HLF: variants seen among roughly 807,000 people sequenced by gnomAD.
HLF encodes the protein hepatic leukemia factor.
A neutral mutation model predicts 22.6 loss-of-function variants in HLF; 3 were observed. That is an observed-to-expected ratio of 0.13 (90% CI 0.06 to 0.34). The LOEUF (loss-of-function observed/expected upper bound fraction) is 0.34, where lower values mean the gene tolerates loss of function less well. HLF is among the 10% of genes least tolerant of loss of function. HLF has a pLI of 1.00. For synonymous variants in HLF, 151 were observed against 151.8 expected, an observed-to-expected ratio of 0.99 and a Z score of 0.04; for missense variants, 299 against 389.2, an observed-to-expected ratio of 0.77 and a Z score of 1.95.
Position 55,265,584 on chromosome 17 carries a change from C to A in HLF, c.100C>A (p.Leu34Ile), listed in dbSNP as rs1454045381. The change falls in exon 1 of 4, where the codon CTT (leucine) becomes ATT (isoleucine). Residue 34 changes from leucine to isoleucine, a missense_variant. Leu to Ile is a conservative substitution (Grantham distance 5, BLOSUM62 2). Around this residue, in one of 3 missense-constraint regions of HLF, gnomAD observed 72 missense variants for 74.0 expected, o/e 0.97. Coordinates refer to ENST00000226067, the MANE Select transcript of HLF (RefSeq NM_002126.5). ...SLLENPLKLPLHHEDAFSKDK... is the reference protein window; with the variant it reads ...SLLENPLKLPIHHEDAFSKDK... ...GCTGGAGAACCCGCTGAAGCTCCCCCTTCACCACGAAGACGGTGAGCGCTG... is the reference window on the plus strand; with the variant it reads ...GCTGGAGAACCCGCTGAAGCTCCCCATTCACCACGAAGACGGTGAGCGCTG... The A allele has an allele frequency of 1.3e-6, 2 of 1,598,832 alleles. No homozygotes were observed. The highest frequency in any genetic ancestry group is 2.7e-5 in the African/African-American group (2 of 73,658).
intron 2 of HLF, among the ~76,000 whole-genome samples, chr17:55,308,220 G>A (rs1904671692): frequency 6.6e-6 from 1 of 152,188 alleles, no homozygotes; most frequent in Non-Finnish European, 1.5e-5. Flanking sequence ...AAGGGATAAT[G>A]GTTAAAAGTT....
At chr17:55,287,411 A>G (rs2081015909) in intron 2 of HLF, among the ~76,000 whole-genome samples, 1 of 151,896 alleles carries the variant, frequency 6.6e-6, no homozygotes, top group Admixed American at 6.6e-5. Flanking sequence ...TCTCTTTGGT[A>G]TACTAGCCAT....
intron 2 of HLF, among the ~76,000 whole-genome samples, chr17:55,311,037 C>T (rs1904805583): frequency 6.6e-6 from 1 of 152,140 alleles, no homozygotes; most frequent in Non-Finnish European, 1.5e-5. Context: ...TAGTTGTCCT[C>T]AAATTTACCT....
intron 3 of HLF, among the ~76,000 whole-genome samples, chr17:55,318,629 T>G (rs983550023): frequency 6.6e-6 from 1 of 152,126 alleles, no homozygotes; most frequent in Non-Finnish European, 1.5e-5. Context: ...GGGCTTGTTC[T>G]TATGTACCCC....
chr17:55,302,254 GT>G (rs1330461345), intron 2 of HLF, among the ~76,000 whole-genome samples: 1 of 152,328 alleles, frequency 6.6e-6, no homozygotes, highest in Admixed American at 6.5e-5. Flanking sequence ...CCACAGATCA[GT>G]TTAGGACTCT....
At chr17:55,299,721 C>T (rs542516579) in intron 2 of HLF, among the ~76,000 whole-genome samples, 4 of 152,276 alleles carry the variant, frequency 2.6e-5, no homozygotes, top group African/African-American at 9.6e-5. Flanking sequence ...ACTACAAGCA[C>T]GTGCCACCAT....
At chr17:55,312,623 A>G (rs1193619297) in intron 2 of HLF, among the ~76,000 whole-genome samples, 1 of 152,228 alleles carries the variant, frequency 6.6e-6, no homozygotes, top group Non-Finnish European at 1.5e-5. Flanking sequence ...TTTGGGTTAA[A>G]TCACTTATGT....
intron 2 of HLF, among the ~76,000 whole-genome samples, chr17:55,289,269 T>C (rs1299211571): frequency 6.6e-6 from 1 of 152,206 alleles, no homozygotes; most frequent in African/African-American, 2.4e-5. Context: ...CACAGAGGTA[T>C]GTACAGCTGG....
chr17:55,276,130 A>C (rs377061093), intron 2 of HLF, among the ~76,000 whole-genome samples: 1 of 152,164 alleles, frequency 6.6e-6, no homozygotes, highest in Non-Finnish European at 1.5e-5. Flanking sequence ...TTAAAGAGAA[A>C]GCAACAGAGG....
Position 55,265,528 on chromosome 17 carries a change from T to C in HLF, c.44T>C (p.Ile15Thr). 6.2e-7 allele frequency: 1 copy of C among 1,609,834 alleles called. No individual in the cohort carries two copies. The highest frequency in any genetic ancestry group is 8.5e-7 in the Non-Finnish European group (1 of 1,178,050). The change falls in exon 1 of 4, where the codon ATC (isoleucine) becomes ACC (threonine). Residue 15 changes from isoleucine to threonine, a missense_variant. Around this residue, in one of 3 missense-constraint regions of HLF, gnomAD observed 72 missense variants for 74.0 expected, o/e 0.97. Coordinates refer to ENST00000226067, the MANE Select transcript of HLF (RefSeq NM_002126.5). ...SRPLPLNPTF[I>T]PPPYGVLRSL... ...CCGCTCCCCCTGAATCCCACCTTTA[T>C]CCCGCCTCCCTACGGCGTGCTCAGG...
rs375620371 is a variant in HLF at position 55,324,790 on chromosome 17, A to AGAGTGTGTGT, written c.*3912_*3913insAGTGTGTGTG. Reference sequence around the variant, plus strand: ...CATTTTGCAGGAGGCTAAGTGTAAGAGTGTGTGTGTGTGTGTGTGCGTGCA... The same window carrying AGAGTGTGTGT: ...CATTTTGCAGGAGGCTAAGTGTAAGAGAGTGTGTGTGTGTGTGTGTGTGTGTGTGCGTGCA... On this transcript the variant is annotated 3_prime_UTR_variant, in exon 4 of 4. Transcript: ENST00000226067. 2.2e-5 allele frequency: 4 copies of AGAGTGTGTGT among 185,508 alleles called. No individual in the cohort carries two copies. Among genetic ancestry groups the AGAGTGTGTGT allele is most frequent in the African/African-American group, 9.3e-5 (4 of 43,084 alleles). The allele number at this position is 185,508 out of a possible 1,614,324, so 11.5% of individuals were successfully genotyped here.
chr17:55,267,769 A>G lies in HLF; in HGVS notation c.134A>G (p.Asp45Gly). 6.3e-7 allele frequency: 1 copy of G among 1,586,318 alleles called. No individual in the cohort carries two copies. The highest frequency in any genetic ancestry group is 8.6e-7 in the Non-Finnish European group (1 of 1,160,746). ...HHEDAFSKDK[D>G]KEKKLDDESN... ...TCTGCAGCATTTAGTAAAGATAAAG[A>G]CAAGGAAAAGAAGCTGGATGATGAG... The change falls in exon 2 of 4, where the codon GAC becomes GGC. Residue 45 changes from aspartate (D) to glycine (G), a missense_variant. Around this residue, in one of 3 missense-constraint regions of HLF, gnomAD observed 72 missense variants for 74.0 expected, o/e 0.97. Transcript: ENST00000226067.
At chr17:55,279,927 C>T (rs1040246748) in intron 2 of HLF, among the ~76,000 whole-genome samples, 1 of 151,812 alleles carries the variant, frequency 6.6e-6, no homozygotes, top group Non-Finnish European at 1.5e-5. Flanking sequence ...TTACCTGCCA[C>T]CAGAGAGGAT....
At chr17:55,292,203 G>T (rs1381588577) in intron 2 of HLF, among the ~76,000 whole-genome samples, 2 of 152,186 alleles carry the variant, frequency 1.3e-5, no homozygotes, top group Non-Finnish European at 2.9e-5. Context: ...TTTGAAAGAG[G>T]TTCTACTGTG....
At chr17:55,300,138 C>T (rs143657336) in intron 2 of HLF, among the ~76,000 whole-genome samples, 2 of 152,196 alleles carry the variant, frequency 1.3e-5, no homozygotes, top group Non-Finnish European at 2.9e-5. Context: ...TGGCCTTCCT[C>T]ATTTGTTTAA....
At chr17:55,272,075 G>A (rs1435180222) in intron 2 of HLF, 6 of 152,228 alleles carry the variant, frequency 3.9e-5, no homozygotes, top group Admixed American at 6.5e-5. Context: ...GGAGGCCAGA[G>A]CTAACTGCAG....
chr17:55,267,739 C>T lies in HLF; in HGVS notation c.116-12C>T, dbSNP rs201209755. 1 of 1,523,624 alleles carries T rather than the reference C, an allele frequency of 6.6e-7. No individual in the cohort carries two copies. Among genetic ancestry groups the T allele is most frequent in the Non-Finnish European group, 8.9e-7 (1 of 1,128,908 alleles). 94.4% of individuals were successfully genotyped at this position (1,523,624 alleles called of 1,614,324 possible). A position where few individuals can be genotyped will look rare whatever the true frequency, so the allele number is the denominator to read the frequency against. Reference sequence around the variant, plus strand: ...TCTTTTTTTTTAAGTCCAGCTTTCCCTTCTTCTGCAGCATTTAGTAAAGAT... The same window carrying T: ...TCTTTTTTTTTAAGTCCAGCTTTCCTTTCTTCTGCAGCATTTAGTAAAGAT... On this transcript the variant is annotated splice_polypyrimidine_tract_variant and intron_variant, in intron 1 of 3. Coordinates refer to ENST00000226067, the MANE Select transcript of HLF (RefSeq NM_002126.5).
In HLF at chr17:55,322,335, G is replaced by C. The variant is rs1905288305; in HGVS notation, c.*1456G>C. On this transcript the variant is annotated 3_prime_UTR_variant, in exon 4 of 4. Coordinates refer to ENST00000226067, the MANE Select transcript of HLF (RefSeq NM_002126.5). Reference sequence around the variant, plus strand: ...ATTATAGGAAGTTCTTTTTTGTACAGTATTTTTCAGATATAAATACTGACA... The same window carrying C: ...ATTATAGGAAGTTCTTTTTTGTACACTATTTTTCAGATATAAATACTGACA... 1 of 191,322 alleles carries C rather than the reference G, an allele frequency of 5.2e-6. No homozygotes were observed. Among genetic ancestry groups the C allele is most frequent in the South Asian group, 1.9e-4 (1 of 5,146 alleles). 11.9% of individuals were successfully genotyped at this position (191,322 alleles called of 1,614,324 possible).
chr17:55,282,318 CAA>C (rs987462839), intron 2 of HLF, among the ~76,000 whole-genome samples: 3 of 152,282 alleles, frequency 2.0e-5, no homozygotes, highest in Non-Finnish European at 2.9e-5. Flanking sequence ...TTTGGGAACA[CAA>C]GAGATCTAAT....
Sources: gnomAD v4.1 joint callset for allele counts (sites outside exome capture counted in the v4.1 genomes callset) on GRCh38, gnomAD v4.1.1 for gene constraint, gnomAD v4.1.1 regional missense constraint, MANE v1.5 for transcripts, NCBI Gene and HGNC (gene_info 2026-07-23, HGNC 2026-07-21) for gene names.